The following KPNA5 variants were observed in gnomAD, a reference collection of about 807,000 sequenced individuals.
KPNA5 encodes karyopherin subunit alpha 5, also known as importin subunit alpha-6.
Under a neutral mutation model 71.3 loss-of-function variants are expected in KPNA5, and 46 were observed. The observed-to-expected ratio is 0.65, with a 90% CI of 0.51 to 0.83. KPNA5 has a LOEUF of 0.83. KPNA5 is among the 40% of genes least tolerant of loss of function. The pLI, the probability that KPNA5 is intolerant of heterozygous loss-of-function variation, is 0.00. For synonymous variants in KPNA5, 207 were observed against 201.4 expected (o/e 1.03, Z -0.24); for missense variants, 547 against 628.3 (o/e 0.87, Z 1.38).
intron 8 of KPNA5, among the ~76,000 whole-genome samples, chr6:116,720,699 C>T (rs1269870135): frequency 6.6e-6 from 1 of 152,024 alleles, no homozygotes; most frequent in East Asian, 1.9e-4. Context: ...CAAAAATTAG[C>T]TGGGCATGGT....
chr6:116,727,472 T>A (rs1415740183), intron 12 of KPNA5, among the ~76,000 whole-genome samples: 1 of 152,106 alleles, frequency 6.6e-6, no homozygotes, highest in Non-Finnish European at 1.5e-5. Context: ...TACATTGTTT[T>A]AGGTATTATA....
intron 8 of KPNA5, among the ~76,000 whole-genome samples, chr6:116,717,040 TA>T: frequency 6.6e-6 from 1 of 152,274 alleles, no homozygotes; most frequent in Non-Finnish European, 1.5e-5. Context: ...TTAATAAAAG[TA>T]GTAATTTTTA....
chr6:116,740,692 T>C lies in KPNA5; in HGVS notation c.*8369T>C, dbSNP rs1255551702. The C allele has an allele frequency of 6.6e-6, 1 of 152,074 alleles. No homozygotes were observed. The highest frequency in any genetic ancestry group is 1.9e-4 in the East Asian group (1 of 5,188). The allele number at this position is 152,074 out of a possible 1,614,324, so 9.4% of individuals were successfully genotyped here. ...AAAAATGATGAGTTCATGTCCTTTG[T>C]AGGGACATGGATGAAATTGGAAATC... is the stretch of plus-strand genomic sequence containing the variant. On this transcript the variant is annotated 3_prime_UTR_variant, in exon 14 of 14. Coordinates refer to ENST00000368564, the MANE Select transcript of KPNA5 (RefSeq NM_001366306.2).
intron 4 of KPNA5, among the ~76,000 whole-genome samples, chr6:116,692,668 A>G (rs1278312076): frequency 6.6e-6 from 1 of 152,032 alleles, no homozygotes; most frequent in Non-Finnish European, 1.5e-5. Context: ...TTAGAGATAT[A>G]TATTTTTTAA....
chr6:116,723,363 A>G (rs931395760), intron 9 of KPNA5, among the ~76,000 whole-genome samples: 15 of 152,144 alleles, frequency 9.9e-5, no homozygotes, highest in Non-Finnish European at 1.9e-4. Flanking sequence ...GGGAACAGTA[A>G]CACTTCTACA....
At chr6:116,697,470 C>T (rs954116351) in intron 4 of KPNA5, among the ~76,000 whole-genome samples, 2 of 152,000 alleles carry the variant, frequency 1.3e-5, no homozygotes, top group Non-Finnish European at 2.9e-5. Context: ...TCTTTCTTAA[C>T]AATTGAGAAC....
rs979413283 is a variant in KPNA5 at position 116,730,604 on chromosome 6, T to C, written c.1432+863T>C. Among the ~76,000 whole-genome samples the C allele has an allele frequency of 2.6e-5, 4 of 152,176 alleles. No individual in the cohort carries two copies. In the East Asian group the frequency reaches 7.7e-4, roughly 29 times the overall value. ...TAGGGCACTGACTTCTTTTTAAGCT[T>C]TTGATGTCTTCTCATTTTGCTTTCC... On this transcript the variant is annotated intron_variant, in intron 13 of 13. Transcript: ENST00000368564.
chr6:116,700,049 GAAGTTT>G (rs939493821), intron 5 of KPNA5, among the ~76,000 whole-genome samples: 1 of 152,156 alleles, frequency 6.6e-6, no homozygotes, highest in African/African-American at 2.4e-5. Context: ...CTGTTTAGGG[GAAGTTT>G]AAGTTTAAGA....
In KPNA5 at chr6:116,738,410, C is replaced by A. The variant is rs1282854380; in HGVS notation, c.*6087C>A. On this transcript the variant is annotated 3_prime_UTR_variant, in exon 14 of 14. Coordinates refer to ENST00000368564, the MANE Select transcript of KPNA5 (RefSeq NM_001366306.2). ...GACCAGATGGATTCACAGCTGAATT[C>A]TACCAGAGGTACAAGGAGGAACTGG... The A allele has an allele frequency of 2.0e-5, 3 of 152,050 alleles. No homozygotes were observed. The highest frequency in any genetic ancestry group is 4.4e-5 in the Non-Finnish European group (3 of 68,002). 9.4% of individuals were successfully genotyped at this position (152,050 alleles called of 1,614,324 possible).
In KPNA5 at chr6:116,736,822, T is replaced by G. The variant is rs1188178986; in HGVS notation, c.*4499T>G. The G allele has an allele frequency of 6.6e-6, 1 of 152,026 alleles. No individual in the cohort carries two copies. Among genetic ancestry groups the G allele is most frequent in the African/African-American group, 2.4e-5 (1 of 41,436 alleles). 9.4% of individuals were successfully genotyped at this position (152,026 alleles called of 1,614,324 possible). On this transcript the variant is annotated 3_prime_UTR_variant, in exon 14 of 14. Transcript: ENST00000368564. ...CAAGTTCACTAATCTTGTCTTCTGCTGTGTCTAATCTCTTAATTCCATTAG... is the reference window on the plus strand; with the variant it reads ...CAAGTTCACTAATCTTGTCTTCTGCGGTGTCTAATCTCTTAATTCCATTAG...
chr6:116,710,001 C>T lies in KPNA5; in HGVS notation c.656+4841C>T, dbSNP rs191312714. ...GTCTCCATCTCCTAACCTCGTGATC[C>T]GCCCGCCTCGACCTCCCAAGGTGCT... On this transcript the variant is annotated intron_variant, in intron 7 of 13. Coordinates refer to ENST00000368564, the MANE Select transcript of KPNA5 (RefSeq NM_001366306.2). Among the ~76,000 whole-genome samples the T allele has an allele frequency of 1.9e-3, 288 of 152,180 alleles. 1 individual carries two copies. Among genetic ancestry groups the T allele is most frequent in the African/African-American group, 6.2e-3 (256 of 41,542 alleles).
In KPNA5 at chr6:116,725,342, C is replaced by T. The variant is rs138113793; in HGVS notation, c.1000-409C>T. 3.9e-3 allele frequency among the ~76,000 whole-genome samples: 600 copies of T among 152,266 alleles called. 15 individuals carry two copies. In the South Asian group the frequency reaches 0.041, roughly 10 times the overall value. ...AAAATTTTTATGAAGCCAATTGATT[C>T]TACATGCTGTTTTTAATGGTTGTAG... On this transcript the variant is annotated intron_variant, in intron 10 of 13. Coordinates refer to ENST00000368564, the MANE Select transcript of KPNA5 (RefSeq NM_001366306.2).
intron 5 of KPNA5, among the ~76,000 whole-genome samples, chr6:116,700,367 G>A (rs1017436465): frequency 6.6e-6 from 1 of 152,158 alleles, no homozygotes; most frequent in Non-Finnish European, 1.5e-5. Flanking sequence ...CTACTTGGGA[G>A]GCTGAAGTGA....
At chr6:116,681,573 C>T (rs571089867) in intron 1 of KPNA5, 72 of 1,287,580 alleles carry the variant, frequency 5.6e-5, no homozygotes, top group Non-Finnish European at 6.8e-5. Flanking sequence ...ATTCTTTCAG[C>T]AGGTCCTCTG....
In KPNA5 at chr6:116,692,408, A is replaced by G. The variant is rs1777837922; in HGVS notation, c.340+16A>G. On this transcript the variant is annotated intron_variant, in intron 4 of 13. Transcript: ENST00000368564. The stretch of plus-strand genomic sequence containing the variant: ...CTTTCTAAAGGCAAGAATTATTTTC[A>G]GTATGCTTATTTGATATTACACGAT... The G allele has an allele frequency of 2.0e-6, 3 of 1,493,932 alleles. No homozygotes were observed. Among genetic ancestry groups the G allele is most frequent in the Non-Finnish European group, 2.8e-6 (3 of 1,084,164 alleles). The allele number at this position is 1,493,932 out of a possible 1,614,324, so 92.5% of individuals were successfully genotyped here.
Position 116,732,351 on chromosome 6 carries a change from T to A in KPNA5, c.*28T>A. Reference sequence around the variant, plus strand: ...TACTGGAGGAAAAAAAATTTATGGCTAAAAAGGGTAGCTTCAGGTAACTCC... The same window carrying A: ...TACTGGAGGAAAAAAAATTTATGGCAAAAAAGGGTAGCTTCAGGTAACTCC... On this transcript the variant is annotated 3_prime_UTR_variant, in exon 14 of 14. Coordinates refer to ENST00000368564, the MANE Select transcript of KPNA5 (RefSeq NM_001366306.2). 1 of 1,354,750 alleles carries A rather than the reference T, an allele frequency of 7.4e-7. No individual in the cohort carries two copies. Among genetic ancestry groups the A allele is most frequent in the Non-Finnish European group, 9.9e-7 (1 of 1,009,058 alleles). 83.9% of individuals were successfully genotyped at this position (1,354,750 alleles called of 1,614,324 possible).
chr6:116,709,342 C>T (rs762952428), intron 7 of KPNA5, among the ~76,000 whole-genome samples: 6 of 151,876 alleles, frequency 4.0e-5, no homozygotes, highest in Non-Finnish European at 5.9e-5. Context: ...GGAATACAGG[C>T]GTGCACCACC....
intron 7 of KPNA5, among the ~76,000 whole-genome samples, chr6:116,715,378 C>G (rs1434952586): frequency 6.6e-6 from 1 of 151,932 alleles, no homozygotes; most frequent in Non-Finnish European, 1.5e-5. Context: ...ATTTAAATAA[C>G]TAAAACATAA....
At chr6:116,728,388 A>G (rs1779356998) in intron 12 of KPNA5, among the ~76,000 whole-genome samples, 1 of 152,112 alleles carries the variant, frequency 6.6e-6, no homozygotes, top group African/African-American at 2.4e-5. Context: ...CATTTCATTA[A>G]GTTTGCATAT....
Sources: allele counts gnomAD v4.1 joint callset (sites outside exome capture counted in the v4.1 genomes callset), GRCh38; gene constraint gnomAD v4.1.1; transcripts MANE v1.5; gene names NCBI Gene and HGNC (gene_info 2026-07-23, HGNC 2026-07-21).